Variants in CDIN1 observed in about 807,000 individuals in gnomAD.
CDIN1 encodes the protein CDAN1-interacting nuclease 1.
Under a neutral mutation model 45.3 loss-of-function variants are expected in CDIN1, and 33 were observed. The ratio of observed to expected loss-of-function variants is 0.73; its 90% CI spans 0.55 to 0.97. CDIN1 has a LOEUF of 0.97. Among genes scored for constraint, CDIN1 ranks in the 50% least tolerant of loss-of-function variants. The pLI, the probability that CDIN1 is intolerant of heterozygous loss-of-function variation, is 0.00. For missense variants in CDIN1, 303 were observed against 339.4 expected, an observed-to-expected ratio of 0.89 and a Z score of 0.84; for synonymous variants, 118 against 124.4, an observed-to-expected ratio of 0.95 and a Z score of 0.34.
At chr15:36,808,059 A>C (rs2055285469) in intron 10 of CDIN1, among the ~76,000 whole-genome samples, 1 of 152,224 alleles carries the variant, frequency 6.6e-6, no homozygotes, top group South Asian at 2.1e-4. Context: ...ATAACACCTT[A>C]CTGAAAGGTA....
At chr15:36,757,226 CAGTT>C (rs1196669721) in intron 10 of CDIN1, among the ~76,000 whole-genome samples, 2 of 152,116 alleles carry the variant, frequency 1.3e-5, no homozygotes, top group Non-Finnish European at 2.9e-5. Context: ...GTGGGAATAA[CAGTT>C]AGGGTTATGG....
At chr15:36,584,596 A>G (rs2037205767) in intron 1 of CDIN1, among the ~76,000 whole-genome samples, 1 of 152,096 alleles carries the variant, frequency 6.6e-6, no homozygotes, top group Non-Finnish European at 1.5e-5. Flanking sequence ...TTATTCATTC[A>G]TTTATTTACC....
intron 10 of CDIN1, among the ~76,000 whole-genome samples, chr15:36,732,793 A>G (rs1278201293): frequency 1.3e-5 from 2 of 152,032 alleles, no homozygotes; most frequent in South Asian, 2.1e-4. Context: ...ATAACATCCT[A>G]TATTTTCTAG....
chr15:36,638,670 A>G (rs1275235304), intron 1 of CDIN1, among the ~76,000 whole-genome samples: 2 of 152,360 alleles, frequency 1.3e-5, no homozygotes, highest in Non-Finnish European at 2.9e-5. Flanking sequence ...ATAAAAGAAC[A>G]ACATTTTTTA....
chr15:36,755,035 T>C (rs2140981594), intron 10 of CDIN1, among the ~76,000 whole-genome samples: 1 of 152,310 alleles, frequency 6.6e-6, no homozygotes, highest in South Asian at 2.1e-4. Flanking sequence ...ACGTTTTTCT[T>C]TCTTTATCAC....
intron 1 of CDIN1, among the ~76,000 whole-genome samples, chr15:36,620,698 C>T (rs931657403): frequency 4.6e-5 from 7 of 152,230 alleles, no homozygotes; most frequent in African/African-American, 1.4e-4. Flanking sequence ...ACTGACCTTA[C>T]AGTAATTTAT....
At chr15:36,589,665 C>T (rs936744149) in intron 1 of CDIN1, among the ~76,000 whole-genome samples, 1 of 152,124 alleles carries the variant, frequency 6.6e-6, no homozygotes, top group African/African-American at 2.4e-5. Context: ...GCCACCACGC[C>T]CGGCTAATTT....
chr15:36,668,276 G>T (rs982664277), intron 5 of CDIN1: 1 of 151,874 alleles, frequency 6.6e-6, no homozygotes, highest in Admixed American at 6.6e-5. Flanking sequence ...GGGTTGAGAG[G>T]GTATCAAGAA....
chr15:36,603,299 T>G (rs562027565), intron 1 of CDIN1, among the ~76,000 whole-genome samples: 1 of 152,294 alleles, frequency 6.6e-6, no homozygotes, highest in South Asian at 2.1e-4. Context: ...CTCTGGTGGT[T>G]GTTTATAAGG....
At chr15:36,655,196 A>G (rs2040730379) in intron 4 of CDIN1, among the ~76,000 whole-genome samples, 1 of 152,230 alleles carries the variant, frequency 6.6e-6, no homozygotes, top group Admixed American at 6.5e-5. Context: ...TAATAGTCTA[A>G]GCAATGTCTA....
At chr15:36,703,772 G>T (rs866634406) in intron 8 of CDIN1, among the ~76,000 whole-genome samples, 1 of 152,100 alleles carries the variant, frequency 6.6e-6, no homozygotes, top group African/African-American at 2.4e-5. Flanking sequence ...AGAACTGCTA[G>T]TATGCCTCTC....
chr15:36,673,285 G>A (rs1015443862), intron 5 of CDIN1, among the ~76,000 whole-genome samples: 1 of 152,042 alleles, frequency 6.6e-6, no homozygotes, highest in Non-Finnish European at 1.5e-5. Context: ...AATGTTTTCA[G>A]ATATTAGCCA....
intron 5 of CDIN1, among the ~76,000 whole-genome samples, chr15:36,663,755 C>T (rs970809163): frequency 6.6e-6 from 1 of 152,150 alleles, no homozygotes; most frequent in East Asian, 1.9e-4. Context: ...AGTACTATTA[C>T]AGAAATAGCT....
chr15:36,746,282 TAGAG>T (rs1308881934), intron 10 of CDIN1, among the ~76,000 whole-genome samples: 1 of 151,904 alleles, frequency 6.6e-6, no homozygotes, highest in East Asian at 1.9e-4. Flanking sequence ...GTGGAAATAG[TAGAG>T]AGAAAGAGGA....
chr15:36,718,510 G>C (rs928258039), intron 10 of CDIN1, among the ~76,000 whole-genome samples: 2 of 151,888 alleles, frequency 1.3e-5, no homozygotes, highest in African/African-American at 4.8e-5. Flanking sequence ...CATTTATTTA[G>C]GTCTTTTAAC....
At chr15:36,701,399 CTGTGTTTTTTTG>C (rs2042639010) in intron 8 of CDIN1, among the ~76,000 whole-genome samples, 1 of 151,970 alleles carries the variant, frequency 6.6e-6, no homozygotes, top group African/African-American at 2.4e-5. Flanking sequence ...CCGTATTTTG[CTGTGTTTTTTTG>C]TGTGTTTTTT....
intron 1 of CDIN1, among the ~76,000 whole-genome samples, chr15:36,613,053 T>G (rs542529638): frequency 6.6e-6 from 1 of 152,336 alleles, no homozygotes; most frequent in Middle Eastern, 3.4e-3. Flanking sequence ...GAGCACACAC[T>G]CTCTTATTCT....
chr15:36,688,910 C>T (rs767825873), intron 5 of CDIN1, among the ~76,000 whole-genome samples: 7 of 152,110 alleles, frequency 4.6e-5, no homozygotes, highest in Non-Finnish European at 8.8e-5. Flanking sequence ...GCAGATACAT[C>T]CTGGGTCCAC....
chr15:36,721,860 G>A (rs1052218729), intron 10 of CDIN1, among the ~76,000 whole-genome samples: 1 of 151,492 alleles, frequency 6.6e-6, no homozygotes, highest in East Asian at 2.0e-4. Context: ...AGTTGCCTTG[G>A]CTTTCCCATT....
Sources: gnomAD v4.1 joint callset for allele counts (sites outside exome capture counted in the v4.1 genomes callset) on GRCh38, gnomAD v4.1.1 for gene constraint, MANE v1.5 for transcripts, NCBI Gene and HGNC (gene_info 2026-07-23, HGNC 2026-07-21) for gene names.